The following MARCHF3 variants were observed in gnomAD, a reference collection of about 807,000 sequenced individuals.
The protein encoded by MARCHF3 is E3 ubiquitin-protein ligase MARCHF3.
MARCHF3 carries 13 observed loss-of-function variants against 24.2 expected under a neutral mutation model. The ratio of observed to expected loss-of-function variants is 0.54; its 90% CI spans 0.35 to 0.85. MARCHF3 has a LOEUF of 0.85. Ranked by LOEUF, MARCHF3 falls within the 40% of genes least tolerant of loss-of-function variation. The probability of loss-of-function intolerance (pLI) is 0.01; values close to 1 mark genes in which losing one functional copy is unlikely to be tolerated. For missense variants in MARCHF3, 276 were observed against 325.0 expected, an observed-to-expected ratio of 0.85 and a Z score of 1.16; for synonymous variants, 144 against 137.3, an observed-to-expected ratio of 1.05 and a Z score of -0.34.
At chr5:126,919,430 T>C (rs1276511277) in intron 1 of MARCHF3, among the ~76,000 whole-genome samples, 2 of 152,074 alleles carry the variant, frequency 1.3e-5, no homozygotes, top group South Asian at 2.1e-4. Context: ...CAAGAACCCA[T>C]TTAGGTGGTC....
chr5:126,929,168 G>C (rs1368707420), intron 1 of MARCHF3, among the ~76,000 whole-genome samples: 3 of 152,166 alleles, frequency 2.0e-5, no homozygotes, highest in Admixed American at 6.5e-5. Flanking sequence ...AGGTCCTCTA[G>C]AGCCCTGTCC....
intron 3 of MARCHF3, among the ~76,000 whole-genome samples, chr5:126,911,097 T>A (rs532368721): frequency 4.6e-5 from 7 of 152,322 alleles, no homozygotes; most frequent in Non-Finnish European, 1.0e-4. Flanking sequence ...ACCAGTTGTC[T>A]AATCTCAAAC....
chr5:126,987,147 T>C (rs73786266), intron 1 of MARCHF3, among the ~76,000 whole-genome samples: 7,852 of 152,328 alleles, frequency 0.052, 378 homozygotes, highest in South Asian at 0.14. Context: ...AACTGAGCTT[T>C]CTTGGAGAAG....
intron 1 of MARCHF3, among the ~76,000 whole-genome samples, chr5:126,936,069 C>CG (rs1388058259): frequency 6.6e-6 from 1 of 152,044 alleles, no homozygotes; most frequent in Non-Finnish European, 1.5e-5. Context: ...TGCTACACAC[C>CG]GAAAGAGTGT....
intron 1 of MARCHF3, among the ~76,000 whole-genome samples, chr5:126,953,002 A>C (rs1246348124): frequency 6.6e-6 from 1 of 152,170 alleles, no homozygotes; most frequent in Non-Finnish European, 1.5e-5. Context: ...GGAGATGCAA[A>C]GTCTCTTAAT....
intron 3 of MARCHF3, among the ~76,000 whole-genome samples, chr5:126,879,577 C>A (rs566821774): frequency 5.6e-4 from 86 of 152,330 alleles, no homozygotes; most frequent in African/African-American, 1.8e-3. Context: ...GGATGGCTGT[C>A]CTCCCATTTG....
intron 2 of MARCHF3, among the ~76,000 whole-genome samples, chr5:126,916,675 T>TGACAGACA (rs1336046227): frequency 8.9e-6 from 1 of 112,236 alleles, no homozygotes; most frequent in African/African-American, 3.2e-5. Flanking sequence ...TAAAAATACC[T>TGACAGACA]GACAGACAGA....
intron 1 of MARCHF3, among the ~76,000 whole-genome samples, chr5:127,016,572 C>A (rs1191772678): frequency 6.6e-6 from 1 of 152,124 alleles, no homozygotes; most frequent in Non-Finnish European, 1.5e-5. Flanking sequence ...CCATCTCATG[C>A]CAGTTAGAAT....
At chr5:126,879,390 T>A (rs1753276744) in intron 3 of MARCHF3, among the ~76,000 whole-genome samples, 1 of 152,204 alleles carries the variant, frequency 6.6e-6, no homozygotes, top group African/African-American at 2.4e-5. Flanking sequence ...AATACTCACC[T>A]GACCCCATGA....
chr5:126,942,962 GA>G lies in MARCHF3; in HGVS notation c.-56-24736del, dbSNP rs1284232736. Among the ~76,000 whole-genome samples, 2 of 152,004 alleles carry G rather than the reference GA, an allele frequency of 1.3e-5. 1 individual carries two copies. Among genetic ancestry groups the G allele is most frequent in the Non-Finnish European group, 2.9e-5 (2 of 67,988 alleles). On this transcript the variant is annotated intron_variant, in intron 1 of 4. Coordinates refer to ENST00000308660, the MANE Select transcript of MARCHF3 (RefSeq NM_178450.5). ...CTAAAATTCCTCAGTGTCAAACACT[GA>G]AAAAAAGAGAAAGTAATAAAGGATA...
intron 3 of MARCHF3, among the ~76,000 whole-genome samples, chr5:126,902,145 G>A (rs1754126281): frequency 6.6e-6 from 1 of 152,026 alleles, no homozygotes; most frequent in East Asian, 1.9e-4. Context: ...AGGAAAACCT[G>A]GCTGGATTTC....
intron 1 of MARCHF3, among the ~76,000 whole-genome samples, chr5:126,981,502 G>A (rs1336419536): frequency 6.6e-6 from 1 of 152,216 alleles, no homozygotes; most frequent in Admixed American, 6.5e-5. Flanking sequence ...AGATGTAAGT[G>A]TGTTTGGAGA....
intron 1 of MARCHF3, among the ~76,000 whole-genome samples, chr5:127,005,362 C>T (rs1417121607): frequency 6.6e-6 from 1 of 152,006 alleles, no homozygotes; most frequent in Non-Finnish European, 1.5e-5. Flanking sequence ...TCTTGAACTC[C>T]TGGTGTCAAG....
At chr5:126,943,551 C>T (rs1321479762) in intron 1 of MARCHF3, among the ~76,000 whole-genome samples, 4 of 151,640 alleles carry the variant, frequency 2.6e-5, no homozygotes, top group Non-Finnish European at 5.9e-5. Context: ...CCACTGCACT[C>T]CATCCTGGGT....
chr5:126,982,113 G>A (rs950553244), intron 1 of MARCHF3, among the ~76,000 whole-genome samples: 2 of 152,096 alleles, frequency 1.3e-5, no homozygotes, highest in Admixed American at 1.3e-4. Context: ...ACCTGGTTCC[G>A]CTGTCCAAAC....
intron 2 of MARCHF3, among the ~76,000 whole-genome samples, chr5:126,915,830 T>A (rs1425983640): frequency 1.3e-5 from 2 of 152,186 alleles, no homozygotes; most frequent in Non-Finnish European, 2.9e-5. Flanking sequence ...GGCAGCTTAG[T>A]GTAGTTAGGG....
rs554402397 is a variant in MARCHF3 at position 127,011,415 on chromosome 5, A to G, written c.-57+18935T>C. Among the ~76,000 whole-genome samples, 4 of 152,302 alleles carry G rather than the reference A, an allele frequency of 2.6e-5. No homozygotes were observed. The South Asian group carries it at 6.2e-4, about 24-fold the overall frequency. On this transcript the variant is annotated intron_variant, in intron 1 of 4. Coordinates refer to ENST00000308660, the MANE Select transcript of MARCHF3 (RefSeq NM_178450.5). ...CTCAATCTAGCATGAGGGGATGGCT[A>G]TGCTCACAATCCAAGGCTCTATCTT...
At chr5:126,973,111 T>C (rs1410404771) in intron 1 of MARCHF3, among the ~76,000 whole-genome samples, 1 of 152,264 alleles carries the variant, frequency 6.6e-6, no homozygotes, top group African/African-American at 2.4e-5. Flanking sequence ...ATGTCACCAA[T>C]ATCTCCCTTG....
chr5:126,905,717 T>C (rs1230520195), intron 3 of MARCHF3, among the ~76,000 whole-genome samples: 6 of 151,998 alleles, frequency 3.9e-5, no homozygotes, highest in Non-Finnish European at 5.9e-5. Flanking sequence ...GATTTTGGGC[T>C]GAGGCAATGG....
Sources: gnomAD v4.1 joint callset for allele counts (sites outside exome capture counted in the v4.1 genomes callset) on GRCh38, gnomAD v4.1.1 for gene constraint, MANE v1.5 for transcripts, NCBI Gene and HGNC (gene_info 2026-07-23, HGNC 2026-07-21) for gene names.